The following RPIA variants were observed in gnomAD, a reference collection of about 807,000 sequenced individuals.
RPIA encodes ribose-5-phosphate isomerase.
A neutral mutation model predicts 37.8 loss-of-function variants in RPIA; 29 were observed. The ratio of observed to expected loss-of-function variants is 0.77; its 90% CI spans 0.57 to 1.05. The LOEUF (loss-of-function observed/expected upper bound fraction) is 1.05, where lower values mean the gene tolerates loss of function less well. RPIA is among the 50% of genes least tolerant of loss of function. The probability of loss-of-function intolerance (pLI) is 0.00; values close to 1 mark genes in which losing one functional copy is unlikely to be tolerated. For missense variants in RPIA, 385 were observed against 413.6 expected (o/e 0.93, Z 0.60); for synonymous variants, 167 against 157.0 (o/e 1.06, Z -0.48).
At chr2:88,720,358 A>G (rs2104109241) in intron 3 of RPIA, among the ~76,000 whole-genome samples, 1 of 152,328 alleles carries the variant, frequency 6.6e-6, no homozygotes, top group Middle Eastern at 3.4e-3. Flanking sequence ...GACCTTCTGC[A>G]GTGTACAGAA....
At chr2:88,714,356 G>A (rs964908212) in intron 3 of RPIA, among the ~76,000 whole-genome samples, 2 of 152,056 alleles carry the variant, frequency 1.3e-5, no homozygotes, top group Non-Finnish European at 2.9e-5. Context: ...ATTTCTAGTA[G>A]AGACAGTGTT....
At chr2:88,716,426 C>G (rs773352966) in intron 3 of RPIA, among the ~76,000 whole-genome samples, 1 of 152,158 alleles carries the variant, frequency 6.6e-6, no homozygotes, top group Non-Finnish European at 1.5e-5. Flanking sequence ...GCAAAATAAA[C>G]TTTCTAAATT....
intron 3 of RPIA, among the ~76,000 whole-genome samples, chr2:88,704,694 T>C (rs946049255): frequency 2.6e-5 from 4 of 152,126 alleles, no homozygotes; most frequent in African/African-American, 9.7e-5. Context: ...ACCGCTCCCG[T>C]TCAACATAGT....
At chr2:88,728,082 G>A (rs1400231633) in intron 3 of RPIA, among the ~76,000 whole-genome samples, 1 of 152,038 alleles carries the variant, frequency 6.6e-6, no homozygotes, top group Non-Finnish European at 1.5e-5. Flanking sequence ...TCATTTCATT[G>A]TATATATTTC....
At chr2:88,737,889 C>A (rs1341144816) in intron 7 of RPIA, 88 bp from the exon 8 acceptor site, 2 of 963,396 alleles carry the variant, frequency 2.1e-6, no homozygotes, top group Non-Finnish European at 3.4e-6. Flanking sequence ...AAAATGCATA[C>A]TTGTCTTTGG....
chr2:88,735,607 A>C, intron 5 of RPIA, 62 bp from the exon 6 acceptor site: 1 of 1,458,548 alleles, frequency 6.9e-7, no homozygotes, highest in Non-Finnish European at 9.6e-7. Context: ...CCTGTATTTA[A>C]CCTTAGTTCC....
intron 3 of RPIA, among the ~76,000 whole-genome samples, chr2:88,727,371 G>A (rs968797184): frequency 6.6e-6 from 1 of 152,200 alleles, no homozygotes; most frequent in Non-Finnish European, 1.5e-5. Context: ...CAGATCTGAA[G>A]TTAGGATGGT....
chr2:88,750,435 G>A lies in RPIA; in HGVS notation c.*357G>A, dbSNP rs573331923. The A allele has an allele frequency of 9.5e-6, 4 of 418,930 alleles. No homozygotes were observed. Among genetic ancestry groups the A allele is most frequent in the African/African-American group, 8.2e-5 (4 of 48,762 alleles). The allele number at this position is 418,930 out of a possible 1,614,324, so 26.0% of individuals were successfully genotyped here. A position where few individuals can be genotyped will look rare whatever the true frequency, so the allele number is the denominator to read the frequency against. On this transcript the variant is annotated 3_prime_UTR_variant, in exon 9 of 9. Coordinates refer to ENST00000283646, the MANE Select transcript of RPIA (RefSeq NM_144563.3). ...GGTAAAGCTTCTGAATATTGAGTTTGCTGAGAAATAAAAATCAAAACTTCT... is the reference window on the plus strand; with the variant it reads ...GGTAAAGCTTCTGAATATTGAGTTTACTGAGAAATAAAAATCAAAACTTCT...
intron 3 of RPIA, among the ~76,000 whole-genome samples, chr2:88,715,474 T>C (rs550769135): frequency 7.2e-5 from 11 of 152,218 alleles, no homozygotes; most frequent in Non-Finnish European, 5.9e-5. Context: ...GACTCTAATG[T>C]CAGAAATTCT....
intron 8 of RPIA, 59 bp from the exon 9 acceptor site, chr2:88,749,922 G>A (rs768171419): frequency 9.7e-6 from 12 of 1,233,020 alleles, no homozygotes; most frequent in African/African-American, 1.5e-5. Context: ...TGCAGTCTTT[G>A]AGTCTCTTTT....
intron 3 of RPIA, among the ~76,000 whole-genome samples, chr2:88,702,506 CAA>C (rs1177408818): frequency 1.5e-5 from 2 of 134,716 alleles, no homozygotes; most frequent in African/African-American, 3.3e-5. Context: ...TGGCAGCAGA[CAA>C]AGAGAGAATG....
intron 3 of RPIA, among the ~76,000 whole-genome samples, chr2:88,713,556 G>A (rs1672991435): frequency 6.6e-6 from 1 of 152,148 alleles, no homozygotes; most frequent in Non-Finnish European, 1.5e-5. Flanking sequence ...CCAGCATTCT[G>A]AAAACACCAT....
intron 3 of RPIA, among the ~76,000 whole-genome samples, chr2:88,727,175 C>G (rs1673209580): frequency 6.6e-6 from 1 of 152,240 alleles, no homozygotes; most frequent in Non-Finnish European, 1.5e-5. Context: ...CCCCTGCCCT[C>G]CCTCTGCAGC....
At chr2:88,713,124 T>A (rs868739450) in intron 3 of RPIA, among the ~76,000 whole-genome samples, 1,946 of 114,496 alleles carry the variant, frequency 0.017, 9 homozygotes, top group Non-Finnish European at 0.026. Flanking sequence ...ATATATATTT[T>A]TTTTTTTTTT....
At chr2:88,707,607 G>T (rs1460487472) in intron 3 of RPIA, among the ~76,000 whole-genome samples, 2 of 152,164 alleles carry the variant, frequency 1.3e-5, no homozygotes, top group South Asian at 4.1e-4. Context: ...ATCCTCTGGT[G>T]GTACTCTTGT....
intron 5 of RPIA, among the ~76,000 whole-genome samples, chr2:88,735,392 A>C (rs1307737940): frequency 6.6e-6 from 1 of 152,146 alleles, no homozygotes; most frequent in African/African-American, 2.4e-5. Flanking sequence ...ATCTCCCTGA[A>C]CACAATGCTC....
Position 88,696,360 on chromosome 2 carries a change from A to C in RPIA, c.286-2124A>C, listed in dbSNP as rs933302108. On this transcript the variant is annotated intron_variant, in intron 1 of 8. Transcript: ENST00000283646. ...GGAGTTCGAGACTAGCCTGGTTGGCAGAGTGAGACTGTGTCTTTTAAAAGA... is the reference window on the plus strand; with the variant it reads ...GGAGTTCGAGACTAGCCTGGTTGGCCGAGTGAGACTGTGTCTTTTAAAAGA... Among the ~76,000 whole-genome samples, 9 of 152,212 alleles carry C rather than the reference A, an allele frequency of 5.9e-5. No homozygotes were observed. The South Asian group carries it at 1.7e-3, about 28-fold the overall frequency.
At chr2:88,735,331 C>T (rs997512599) in intron 5 of RPIA, among the ~76,000 whole-genome samples, 15 of 152,128 alleles carry the variant, frequency 9.9e-5, no homozygotes, top group Non-Finnish European at 5.9e-5. Flanking sequence ...TTGTTCAAAG[C>T]GTGCCCTCCT....
chr2:88,744,290 A>T (rs200201780), intron 8 of RPIA, among the ~76,000 whole-genome samples: 211 of 148,284 alleles, frequency 1.4e-3, no homozygotes, highest in African/African-American at 2.4e-3. Flanking sequence ...CAGATTATTT[A>T]ATTTCCATGT....
Sources: gnomAD v4.1 joint callset for allele counts (sites outside exome capture counted in the v4.1 genomes callset) on GRCh38, gnomAD v4.1.1 for gene constraint, MANE v1.5 for transcripts, NCBI Gene and HGNC (gene_info 2026-07-23, HGNC 2026-07-21) for gene names.